Variants in ZNF423 observed in about 807,000 individuals in gnomAD.
The protein encoded by ZNF423 is Ebf-associated zinc finger protein.
A neutral mutation model predicts 95.8 loss-of-function variants in ZNF423; 12 were observed. The observed-to-expected ratio is 0.13, with a 90% CI of 0.08 to 0.20. The LOEUF is 0.20. ZNF423 is among the 10% of genes least tolerant of loss of function. The pLI is 1.00. For synonymous variants in ZNF423, 749 were observed against 711.9 expected, an observed-to-expected ratio of 1.05 and a Z score of -0.83; for missense variants, 1,316 against 1,737.1, an observed-to-expected ratio of 0.76 and a Z score of 4.31.
intron 2 of ZNF423, among the ~76,000 whole-genome samples, chr16:49,779,603 T>TC (rs1205476090): frequency 6.6e-6 from 1 of 151,664 alleles, no homozygotes; most frequent in African/African-American, 2.4e-5. Flanking sequence ...GGGCAGCAAC[T>TC]CCCCCAAATG....
chr16:49,498,764 T>C (rs1268737568), intron 7 of ZNF423, among the ~76,000 whole-genome samples: 2 of 152,146 alleles, frequency 1.3e-5, no homozygotes, highest in Non-Finnish European at 2.9e-5. Context: ...GTGTATCACC[T>C]GGGCAGCCCC....
At chr16:49,749,895 C>T (rs866496001) in intron 2 of ZNF423, among the ~76,000 whole-genome samples, 1 of 152,194 alleles carries the variant, frequency 6.6e-6, no homozygotes, top group African/African-American at 2.4e-5. Flanking sequence ...CTCCCTCCCG[C>T]GAACGCATGT....
intron 5 of ZNF423, among the ~76,000 whole-genome samples, chr16:49,608,159 G>C (rs1269777132): frequency 6.6e-6 from 1 of 152,188 alleles, no homozygotes; most frequent in Admixed American, 6.5e-5. Context: ...TACCTCATCA[G>C]CTCCTAGGAG....
chr16:49,573,920 T>A (rs1970420552), intron 5 of ZNF423, among the ~76,000 whole-genome samples: 1 of 152,188 alleles, frequency 6.6e-6, no homozygotes, highest in Non-Finnish European at 1.5e-5. Flanking sequence ...CAGGGATGCG[T>A]ACATGTGGTG....
At chr16:49,505,059 TG>T (rs1303647923) in intron 7 of ZNF423, among the ~76,000 whole-genome samples, 1 of 152,170 alleles carries the variant, frequency 6.6e-6, no homozygotes, top group Non-Finnish European at 1.5e-5. Context: ...TTTGCCAGGT[TG>T]GAAAAAAATA....
At position 49,637,183 on chromosome 16, in the gene ZNF423, G is replaced by T. The variant is rs1316624325; in HGVS notation, c.1993C>A (p.Leu665Met). The change falls in exon 4 of 8, where the codon CTG becomes ATG. Residue 665 changes from leucine (L) to methionine (M), a missense_variant. Around this residue, in one of 6 missense-constraint regions of ZNF423, gnomAD observed 620 missense variants for 775.6 expected, o/e 0.80. Coordinates refer to ENST00000563137, the MANE Select transcript of ZNF423 (RefSeq NM_001379286.1). The surrounding 1 kb of genome is among the most constrained non-coding windows in gnomAD (Gnocchi z 5.6). ...GGGCACGCTTGCTTCCGCAGCAGCA[G>T]CTCCAGGTGCAGCTTCAGGTGGGTC... is the stretch of plus-strand genomic sequence containing the variant. ...FQTHLKLHLE[L>M]LLRKQACPQC... is the part of the protein sequence containing the mutation. 4 of 1,613,790 alleles carry T rather than the reference G, an allele frequency of 2.5e-6. No homozygotes were observed. In the South Asian group the frequency reaches 3.3e-5, roughly 13 times the overall value.
intron 1 of ZNF423, among the ~76,000 whole-genome samples, chr16:49,831,496 T>G (rs530772570): frequency 1.3e-5 from 2 of 152,204 alleles, no homozygotes; most frequent in East Asian, 3.9e-4. Flanking sequence ...TCCTCACCTA[T>G]AAAGCGGAAC....
intron 7 of ZNF423, chr16:49,518,244 T>C (rs1968236481): frequency 2.6e-6 from 1 of 386,066 alleles, no homozygotes; most frequent in Admixed American, 3.3e-5. Flanking sequence ...TTTTGAACCA[T>C]TTCTTGCATG....
chr16:49,590,640 T>C (rs1215408327), intron 5 of ZNF423, among the ~76,000 whole-genome samples: 1 of 152,140 alleles, frequency 6.6e-6, no homozygotes, highest in Non-Finnish European at 1.5e-5. Flanking sequence ...CCCTTGGTCT[T>C]CTCCTCGATT....
chr16:49,805,503 G>T (rs2034648275), intron 1 of ZNF423, among the ~76,000 whole-genome samples: 1 of 152,224 alleles, frequency 6.6e-6, no homozygotes, highest in African/African-American at 2.4e-5. Flanking sequence ...TGGCTCTGAA[G>T]TTCACCAGGC....
chr16:49,823,136 T>G (rs1014809943), intron 1 of ZNF423, among the ~76,000 whole-genome samples: 1 of 152,198 alleles, frequency 6.6e-6, no homozygotes, highest in Non-Finnish European at 1.5e-5. Context: ...TCACCAGCGA[T>G]GCTAATGGGC....
intron 3 of ZNF423, among the ~76,000 whole-genome samples, chr16:49,672,783 A>G (rs1379237616): frequency 6.6e-6 from 1 of 152,090 alleles, no homozygotes. Flanking sequence ...GCGTCATTAC[A>G]CTCCAGTCTG....
Position 49,638,668 on chromosome 16 carries a change from C to T in ZNF423, c.508G>A (p.Asp170Asn), listed in dbSNP as rs761575829. The change falls in exon 4 of 8, where the codon GAC becomes AAC. Residue 170 changes from aspartate (D) to asparagine (N), a missense_variant. Coordinates refer to ENST00000563137, the MANE Select transcript of ZNF423 (RefSeq NM_001379286.1). This position sits in a 1 kb window ranked among gnomAD's most constrained non-coding sequence, Gnocchi z 5.6. ...TAGGTGCACTTGAACGGCAGCTTGT[C>T]GCTGTGGATCTGCTCGTGCCTCTTC... ...YLKRHEQIHS[D>N]KLPFKCTYCS... is the part of the protein sequence containing the mutation. 10 of 1,613,918 alleles carry T rather than the reference C, an allele frequency of 6.2e-6. No homozygotes were observed. Among genetic ancestry groups the T allele is most frequent in the South Asian group, 2.2e-5 (2 of 91,070 alleles).
intron 3 of ZNF423, among the ~76,000 whole-genome samples, chr16:49,679,039 C>T (rs2031239570): frequency 6.6e-6 from 1 of 152,228 alleles, no homozygotes. Flanking sequence ...CACTCCCGGG[C>T]TCAAGGGATC....
At chr16:49,728,835 C>A (rs772776230) in intron 3 of ZNF423, among the ~76,000 whole-genome samples, 2 of 152,266 alleles carry the variant, frequency 1.3e-5, no homozygotes, top group South Asian at 2.1e-4. Context: ...CGGGTTCAAG[C>A]GATTCTTTTG....
At chr16:49,800,477 T>G (rs1287738515) in intron 1 of ZNF423, among the ~76,000 whole-genome samples, 1 of 152,120 alleles carries the variant, frequency 6.6e-6, no homozygotes, top group East Asian at 1.9e-4. Context: ...TTTCTCTAAA[T>G]TGGCACAGAT....
chr16:49,652,936 A>T (rs1855955848), intron 3 of ZNF423, among the ~76,000 whole-genome samples: 1 of 152,228 alleles, frequency 6.6e-6, no homozygotes, highest in Non-Finnish European at 1.5e-5. Flanking sequence ...ATTATAAATG[A>T]AAGGAGTGAA....
At chr16:49,583,029 G>A (rs1970719487) in intron 5 of ZNF423, among the ~76,000 whole-genome samples, 1 of 152,130 alleles carries the variant, frequency 6.6e-6, no homozygotes, top group Non-Finnish European at 1.5e-5. Context: ...ACTCAAAATT[G>A]GGCTCTGCCT....
chr16:49,769,580 C>T (rs1448615593), intron 2 of ZNF423, among the ~76,000 whole-genome samples: 1 of 152,054 alleles, frequency 6.6e-6, no homozygotes, highest in Non-Finnish European at 1.5e-5. Context: ...GTGCAAAGCC[C>T]TCCCTGGTTC....
Sources: allele counts gnomAD v4.1 joint callset (sites outside exome capture counted in the v4.1 genomes callset), GRCh38; gene constraint gnomAD v4.1.1; regional missense constraint gnomAD v4.1.1; non-coding constraint Gnocchi (gnomAD v3.1); transcripts MANE v1.5; gene names NCBI Gene and HGNC (gene_info 2026-07-23, HGNC 2026-07-21).